Variants in FILIP1L observed in about 807,000 individuals in gnomAD.
The protein encoded by FILIP1L is filamin A-interacting protein 1-like.
Under a neutral mutation model 96.6 loss-of-function variants are expected in FILIP1L, and 55 were observed. The ratio of observed to expected loss-of-function variants is 0.57; its 90% CI spans 0.46 to 0.71. FILIP1L has a LOEUF of 0.71. Ranked by LOEUF, FILIP1L falls within the 30% of genes least tolerant of loss-of-function variation. The pLI, the probability that FILIP1L is intolerant of heterozygous loss-of-function variation, is 0.00. For synonymous variants in FILIP1L, 467 were observed against 473.9 expected (o/e 0.99, Z 0.19); for missense variants, 1,304 against 1,321.2 (o/e 0.99, Z 0.20).
intron 1 of FILIP1L, among the ~76,000 whole-genome samples, chr3:100,080,775 A>G (rs1705633919): frequency 6.6e-6 from 1 of 152,204 alleles, no homozygotes; most frequent in South Asian, 2.1e-4. Flanking sequence ...GAGAATAGAT[A>G]TGGAATGTTT....
intron 1 of FILIP1L, among the ~76,000 whole-genome samples, chr3:100,024,393 GAAGGA>G (rs1003783154): frequency 7.9e-5 from 12 of 152,174 alleles, no homozygotes; most frequent in African/African-American, 2.9e-4. Flanking sequence ...GCAGACTGTA[GAAGGA>G]ATCCTTCTAG....
At chr3:100,105,520 T>C (rs1433822388) in intron 1 of FILIP1L, among the ~76,000 whole-genome samples, 2 of 152,152 alleles carry the variant, frequency 1.3e-5, no homozygotes, top group African/African-American at 2.4e-5. Flanking sequence ...TCAGTAATCA[T>C]TGAACAGGGT....
intron 1 of FILIP1L, among the ~76,000 whole-genome samples, chr3:99,936,651 C>A (rs1441932868): frequency 6.7e-6 from 1 of 149,784 alleles, no homozygotes; most frequent in Non-Finnish European, 1.5e-5. Flanking sequence ...GGATTACAGG[C>A]ATGAGCCACC....
At chr3:99,962,153 C>CTGAAGG (rs1708513074) in intron 1 of FILIP1L, among the ~76,000 whole-genome samples, 1 of 152,080 alleles carries the variant, frequency 6.6e-6, no homozygotes, top group African/African-American at 2.4e-5. Flanking sequence ...GCTGGAAAGG[C>CTGAAGG]TGAAGGTGAG....
chr3:99,915,942 AC>A (rs767766960), intron 4 of FILIP1L, among the ~76,000 whole-genome samples: 4 of 152,230 alleles, frequency 2.6e-5, no homozygotes, highest in Non-Finnish European at 5.9e-5. Context: ...TCAAAAATAT[AC>A]CTATTGGTAT....
chr3:100,087,766 C>T (rs1289456308), intron 1 of FILIP1L, among the ~76,000 whole-genome samples: 2 of 150,412 alleles, frequency 1.3e-5, no homozygotes, highest in Non-Finnish European at 2.9e-5. Flanking sequence ...GACTGTGCTT[C>T]TGGTATTGTA....
At chr3:99,886,227 GC>G (rs1705891370) in intron 4 of FILIP1L, among the ~76,000 whole-genome samples, 1 of 132,540 alleles carries the variant, frequency 7.5e-6, no homozygotes, top group Non-Finnish European at 1.6e-5. Flanking sequence ...TTATCACTAT[GC>G]TGAGTTCCTG....
In FILIP1L at chr3:99,850,353, G is replaced by C; in HGVS notation, c.1323C>G (p.Cys441Trp). The change falls in exon 5 of 6, where the codon TGC becomes TGG. Residue 441 changes from cysteine (C) to tryptophan (W), a missense_variant. By Grantham distance (215) the Cys-to-Trp change is radical (BLOSUM62 -2). Transcript: ENST00000477258. The stretch of plus-strand genomic sequence containing the variant: ...TTTCTAAATTGCATTTCAGAGAGTA[G>C]CATTCTTGTTTGCTTTTGTTGAAAG... ...EDAFNKSKQECYSLKCNLEKE... is the reference protein window; with the variant it reads ...EDAFNKSKQEWYSLKCNLEKE... The C allele has an allele frequency of 6.2e-7, 1 of 1,612,972 alleles. No individual in the cohort carries two copies. Among genetic ancestry groups the C allele is most frequent in the South Asian group, 1.1e-5 (1 of 90,794 alleles).
At chr3:99,846,023 A>C (rs1270293141) in intron 5 of FILIP1L, among the ~76,000 whole-genome samples, 2 of 152,216 alleles carry the variant, frequency 1.3e-5, no homozygotes, top group Non-Finnish European at 2.9e-5. Flanking sequence ...TGTTAACTTT[A>C]TTATAGAGAA....
At chr3:99,989,785 A>G (rs1709459897) in intron 1 of FILIP1L, among the ~76,000 whole-genome samples, 2 of 151,878 alleles carry the variant, frequency 1.3e-5, no homozygotes, top group African/African-American at 4.8e-5. Context: ...TAAAAGTTAG[A>G]TATTGATTTG....
intron 1 of FILIP1L, among the ~76,000 whole-genome samples, chr3:100,037,311 G>A (rs1049991932): frequency 1.3e-5 from 2 of 152,154 alleles, no homozygotes; most frequent in African/African-American, 4.8e-5. Flanking sequence ...TATGTAGAAA[G>A]AGAATAAAAT....
chr3:100,092,137 C>T (rs955326006), intron 1 of FILIP1L, among the ~76,000 whole-genome samples: 3 of 152,182 alleles, frequency 2.0e-5, no homozygotes, highest in Admixed American at 2.0e-4. Context: ...CTTCCTCACA[C>T]ATTTTTAAGT....
At chr3:99,934,211 A>G (rs527602989) in intron 1 of FILIP1L, among the ~76,000 whole-genome samples, 2 of 152,332 alleles carry the variant, frequency 1.3e-5, no homozygotes, top group South Asian at 4.2e-4. Context: ...CAGATTCAAG[A>G]TTGAGGAAAT....
intron 4 of FILIP1L, among the ~76,000 whole-genome samples, chr3:99,869,158 G>C (rs1944661977): frequency 6.6e-6 from 1 of 152,182 alleles, no homozygotes; most frequent in South Asian, 2.1e-4. Flanking sequence ...TGTCACTTCT[G>C]GAAGGAGAAC....
At chr3:100,078,593 AG>A (rs2065885246) in intron 1 of FILIP1L, among the ~76,000 whole-genome samples, 1 of 151,668 alleles carries the variant, frequency 6.6e-6, no homozygotes, top group Non-Finnish European at 1.5e-5. Context: ...GATGAGGTAA[AG>A]AAAAAAAAAA....
chr3:100,019,254 G>A (rs938462295), intron 1 of FILIP1L, among the ~76,000 whole-genome samples: 1 of 152,144 alleles, frequency 6.6e-6, no homozygotes, highest in Non-Finnish European at 1.5e-5. Context: ...CAGCTACTCG[G>A]GAGGCTGAGG....
chr3:99,916,195 A>G (rs1047212713), intron 4 of FILIP1L, among the ~76,000 whole-genome samples: 1 of 152,192 alleles, frequency 6.6e-6, no homozygotes, highest in Non-Finnish European at 1.5e-5. Flanking sequence ...TGGAACAGAA[A>G]GCTGAAGGCA....
chr3:100,061,226 A>C (rs2065560313), intron 1 of FILIP1L, among the ~76,000 whole-genome samples: 1 of 152,208 alleles, frequency 6.6e-6, no homozygotes, highest in Admixed American at 6.5e-5. Context: ...CTAAAATACC[A>C]AAAACAAGTG....
In FILIP1L at chr3:100,074,675, A is replaced by ATTTTTT. The variant is rs555819875; in HGVS notation, c.-11+39372_-11+39377dup. On this transcript the variant is annotated intron_variant, in intron 1 of 5. Transcript: ENST00000477258. The stretch of plus-strand genomic sequence containing the variant: ...ATTTTCTATGCATGTGCAACATTTG[A>ATTTTTT]TTTTTTTTTTTTTTTTTTTTTTTTT... 2.0e-4 allele frequency among the ~76,000 whole-genome samples: 7 copies of ATTTTTT among 34,802 alleles called. 2 individuals carry two copies. Among genetic ancestry groups the ATTTTTT allele is most frequent in the African/African-American group, 4.7e-4 (4 of 8,456 alleles). 22.8% of individuals were successfully genotyped at this position (34,802 alleles called of 152,430 possible).
Sources: allele counts gnomAD v4.1 joint callset (sites outside exome capture counted in the v4.1 genomes callset), GRCh38; gene constraint gnomAD v4.1.1; transcripts MANE v1.5; gene names NCBI Gene and HGNC (gene_info 2026-07-23, HGNC 2026-07-21).